The following STARD8 variants were observed in gnomAD, a reference collection of about 807,000 sequenced individuals.
STARD8 encodes stAR-related lipid transfer protein 8.
STARD8 carries 25 observed loss-of-function variants against 69.4 expected under a neutral mutation model. That is an observed-to-expected ratio of 0.36 (90% CI 0.26 to 0.50). The LOEUF (loss-of-function observed/expected upper bound fraction) is 0.50. STARD8 is among the 20% of genes least tolerant of loss of function. The pLI is 0.96. For missense variants in STARD8, 921 were observed against 932.5 expected (o/e 0.99, Z 0.16); for synonymous variants, 389 against 374.6 (o/e 1.04, Z -0.45).
At chrX:68,709,800 T>G (rs2147924089) in intron 2 of STARD8, among the ~76,000 whole-genome samples, 1 of 109,895 alleles carries the variant, frequency 9.1e-6, no homozygotes, top group Admixed American at 9.7e-5. Flanking sequence ...TCCAGCTTGG[T>G]TGACAGAGTG....
At chrX:68,684,007 T>C (rs985956515) in intron 2 of STARD8, among the ~76,000 whole-genome samples, 2 of 112,709 alleles carry the variant, frequency 1.8e-5, no homozygotes, top group Non-Finnish European at 1.9e-5. Flanking sequence ...GATGATGATA[T>C]ATATACTTCA....
intron 1 of STARD8, among the ~76,000 whole-genome samples, chrX:68,662,360 A>G (rs1011771071): frequency 9.0e-6 from 1 of 111,019 alleles, no homozygotes; most frequent in East Asian, 2.9e-4. Context: ...TTCACTCAAC[A>G]GTTAGAGTAA....
intron 2 of STARD8, among the ~76,000 whole-genome samples, chrX:68,674,316 T>A (rs2079750476): frequency 9.4e-6 from 1 of 106,626 alleles, no homozygotes; most frequent in African/African-American, 3.5e-5. Context: ...AAAAAAAAAT[T>A]CACATGAATT....
chrX:68,688,457 C>G (rs5980862), intron 2 of STARD8, among the ~76,000 whole-genome samples: 10,012 of 105,858 alleles, frequency 0.095, 709 homozygotes, highest in African/African-American at 0.2. Context: ...CAGGGCGCCA[C>G]GTCTGGTGGC....
chrX:68,689,477 G>A (rs1028437646), intron 2 of STARD8, among the ~76,000 whole-genome samples: 2 of 112,379 alleles, frequency 1.8e-5, no homozygotes, highest in Non-Finnish European at 3.8e-5. Context: ...ACATTGACTG[G>A]TGTTGGTTGA....
intron 1 of STARD8, among the ~76,000 whole-genome samples, chrX:68,657,184 G>C (rs1029571813): frequency 3.6e-5 from 4 of 111,461 alleles, no homozygotes; most frequent in Non-Finnish European, 5.7e-5. Context: ...TTGTACACTG[G>C]GGAGAATGAT....
chrX:68,648,129 C>G (rs1307085411), intron 1 of STARD8, among the ~76,000 whole-genome samples: 1 of 112,471 alleles, frequency 8.9e-6, no homozygotes, highest in African/African-American at 3.2e-5. Flanking sequence ...CCCATACAAA[C>G]AAGTCTGCTA....
At chrX:68,689,298 GT>G (rs1490401173) in intron 2 of STARD8, among the ~76,000 whole-genome samples, 2 of 105,293 alleles carry the variant, frequency 1.9e-5, no homozygotes, top group African/African-American at 3.5e-5. Flanking sequence ...CGAGGCGTTA[GT>G]GGGGTGCTCC....
At chrX:68,700,825 GC>G (rs2079961111) in intron 2 of STARD8, among the ~76,000 whole-genome samples, 1 of 112,438 alleles carries the variant, frequency 8.9e-6, no homozygotes, top group South Asian at 3.7e-4. Context: ...TGTTCACAGT[GC>G]TGGGAGACTT....
At position 68,661,964 on chromosome X, in the gene STARD8, CTCTCTCTCTTTCTT is replaced by C. The variant is rs1424224749; in HGVS notation, c.46-3531_46-3518del. On this transcript the variant is annotated intron_variant, in intron 1 of 14. Coordinates refer to ENST00000374599, the MANE Select transcript of STARD8 (RefSeq NM_001142503.3). ...CTCCTTCCTCTCTCTCTCTCTCTCTCTCTCTCTCTTTCTTTCTTTCTTTCTTTCTTTCTTTCTTT... is the reference window on the plus strand; with the variant it reads ...CTCCTTCCTCTCTCTCTCTCTCTCTCTCTTTCTTTCTTTCTTTCTTTCTTT... Among the ~76,000 whole-genome samples, 328 of 79,426 alleles carry C rather than the reference CTCTCTCTCTTTCTT, an allele frequency of 4.1e-3. 3 individuals carry two copies. Among genetic ancestry groups the C allele is most frequent in the African/African-American group, 0.022 (303 of 13,822 alleles). 69.0% of individuals were successfully genotyped at this position (79,426 alleles called of 115,157 possible).
intron 2 of STARD8, among the ~76,000 whole-genome samples, chrX:68,693,075 C>T (rs945266829): frequency 1.8e-4 from 20 of 112,649 alleles, no homozygotes; most frequent in African/African-American, 6.1e-4. Flanking sequence ...TCCCCTGCCA[C>T]GATTAATGTT....
chrX:68,695,009 T>A (rs1016564276), intron 2 of STARD8, among the ~76,000 whole-genome samples: 1 of 110,718 alleles, frequency 9.0e-6, no homozygotes, highest in Non-Finnish European at 1.9e-5. Flanking sequence ...GGTTAATGAA[T>A]CACACCCAGG....
chrX:68,696,594 CAG>C (rs766699487), intron 2 of STARD8, among the ~76,000 whole-genome samples: 1 of 112,056 alleles, frequency 8.9e-6, no homozygotes, highest in African/African-American at 3.2e-5. Flanking sequence ...GAGCAAAGAA[CAG>C]GGGATTGGGA....
intron 2 of STARD8, among the ~76,000 whole-genome samples, 190 bp downstream of exon 2, chrX:68,665,722 G>A (rs746302376): frequency 4.5e-5 from 5 of 112,205 alleles, no homozygotes; most frequent in Non-Finnish European, 7.5e-5. Context: ...TTTGGCTCAC[G>A]TGCAGAGCCT....
chrX:68,711,222 GCA>G (rs60571538), intron 2 of STARD8, among the ~76,000 whole-genome samples: 302 of 101,039 alleles, frequency 3.0e-3, no homozygotes, highest in East Asian at 6.8e-3. Context: ...ATGTATGCAT[GCA>G]CACACACACA....
At position 68,717,761 on chromosome X, in the gene STARD8, G is replaced by T. The variant is rs775733587; in HGVS notation, c.847G>T (p.Val283Leu). ...NTRKAWEAWPVASFRHPQWTH... is the reference protein window; with the variant it reads ...NTRKAWEAWPLASFRHPQWTH... ...TCGGAAGGCCTGGGAGGCCTGGCCT[G>T]TGGCCTCGTTCCGGCATCCTCAGTG... Residue 283 changes from valine (V) to leucine (L), a missense_variant, in exon 6 of 15, where the codon GTG becomes TTG. Coordinates refer to ENST00000374599, the MANE Select transcript of STARD8 (RefSeq NM_001142503.3). The T allele has an allele frequency of 4.1e-6, 5 of 1,212,164 alleles. No homozygotes were observed. Among genetic ancestry groups the T allele is most frequent in the South Asian group, 1.8e-5 (1 of 57,010 alleles).
intron 2 of STARD8, among the ~76,000 whole-genome samples, chrX:68,673,465 T>G (rs906136404): frequency 8.9e-6 from 1 of 111,810 alleles, no homozygotes; most frequent in African/African-American, 3.3e-5. Context: ...CCCTCAGCTG[T>G]CAGTCACTGG....
chrX:68,667,602 G>A (rs779373947), intron 2 of STARD8, among the ~76,000 whole-genome samples: 31 of 111,293 alleles, frequency 2.8e-4, no homozygotes, highest in Non-Finnish European at 4.7e-4. Context: ...AGTCCTCTTA[G>A]AGGTGATCAG....
chrX:68,681,131 G>A (rs1036584883), intron 2 of STARD8, among the ~76,000 whole-genome samples: 3 of 111,448 alleles, frequency 2.7e-5, no homozygotes, highest in Admixed American at 1.9e-4. Context: ...AGACTTGGCC[G>A]CAAAGGGCTA....
Sources: gnomAD v4.1 joint callset for allele counts (sites outside exome capture counted in the v4.1 genomes callset) on GRCh38, gnomAD v4.1.1 for gene constraint, MANE v1.5 for transcripts, NCBI Gene and HGNC (gene_info 2026-07-23, HGNC 2026-07-21) for gene names.